TPRG1: variants seen among roughly 807,000 people sequenced by gnomAD.
The protein encoded by TPRG1 is tumor protein p63-regulated gene 1 protein.
A neutral mutation model predicts 29.3 loss-of-function variants in TPRG1; 29 were observed. The observed-to-expected ratio is 0.99, with a 90% CI of 0.74 to 1.35. TPRG1 has a LOEUF of 1.35. Among genes scored for constraint, TPRG1 ranks in the 40% most tolerant of loss-of-function variants. TPRG1 has a pLI of 0.00. For synonymous variants in TPRG1, 130 were observed against 116.8 expected, an observed-to-expected ratio of 1.11 and a Z score of -0.73; for missense variants, 327 against 335.0, an observed-to-expected ratio of 0.98 and a Z score of 0.19.
intron 2 of TPRG1, chr3:189,212,303 G>C (rs1380989107): frequency 6.6e-6 from 1 of 152,054 alleles, no homozygotes; most frequent in Non-Finnish European, 1.5e-5. Context: ...ATTTTAATAA[G>C]CAGGTTCAGG....
intron 4 of TPRG1, among the ~76,000 whole-genome samples, chr3:189,286,390 C>A (rs1367120702): frequency 1.3e-5 from 2 of 152,114 alleles, no homozygotes; most frequent in Admixed American, 6.6e-5. Context: ...TGTATGAGAA[C>A]TGAGATTTGG....
intron 1 of TPRG1, among the ~76,000 whole-genome samples, chr3:189,190,603 T>TA (rs1375723476): frequency 3.9e-5 from 6 of 152,242 alleles, no homozygotes; most frequent in Non-Finnish European, 8.8e-5. Flanking sequence ...ATAAGAATGC[T>TA]AATAGCTCTT....
chr3:189,315,769 A>T, intron 5 of TPRG1: 1 of 210,830 alleles, frequency 4.7e-6, no homozygotes, highest in East Asian at 1.4e-4. Context: ...TTACATGATG[A>T]GCAATATTCT....
At chr3:189,234,995 T>C (rs1210105598) in intron 3 of TPRG1, among the ~76,000 whole-genome samples, 1 of 152,034 alleles carries the variant, frequency 6.6e-6, no homozygotes, top group East Asian at 1.9e-4. Flanking sequence ...GAACAGCATG[T>C]ACAAAGGCCT....
chr3:189,202,887 T>C (rs1028092003), intron 1 of TPRG1, among the ~76,000 whole-genome samples: 8 of 152,182 alleles, frequency 5.3e-5, no homozygotes, highest in African/African-American at 1.9e-4. Flanking sequence ...TGCCTCCAGT[T>C]TGCCAGTGCA....
At chr3:189,098,546 A>T (rs893994606), upstream of TPRG1, among the ~76,000 whole-genome samples, 30 of 152,160 alleles carry the variant, frequency 2.0e-4, no homozygotes, top group African/African-American at 7.0e-4. Context: ...AAGCCCCTGC[A>T]CTCCCAAAAT....
intron 4 of TPRG1, among the ~76,000 whole-genome samples, chr3:189,025,578 G>C (rs1713614174): frequency 6.6e-6 from 1 of 152,086 alleles, no homozygotes; most frequent in African/African-American, 2.4e-5. Context: ...TCTTCTCAAG[G>C]GTGCTGATAA....
At chr3:189,075,375 T>C (rs747551338) in intron 4 of TPRG1, among the ~76,000 whole-genome samples, 1 of 152,156 alleles carries the variant, frequency 6.6e-6, no homozygotes, top group South Asian at 2.1e-4. Flanking sequence ...CCTCAGGTGA[T>C]CCACCCACCT....
intron 3 of TPRG1, among the ~76,000 whole-genome samples, chr3:189,006,161 G>A (rs1560389250): frequency 6.6e-6 from 1 of 152,040 alleles, no homozygotes; most frequent in Non-Finnish European, 1.5e-5. Flanking sequence ...TCCGCATGCA[G>A]CTTCCCGATC....
chr3:189,221,159 C>G (rs763098970), intron 3 of TPRG1, among the ~76,000 whole-genome samples: 2 of 152,038 alleles, frequency 1.3e-5, no homozygotes, highest in African/African-American at 2.4e-5. Flanking sequence ...TGAAGCATCC[C>G]CATTTATTTT....
intron 4 of TPRG1, among the ~76,000 whole-genome samples, chr3:189,091,128 TTGCC>T (rs1273792437): frequency 2.6e-5 from 4 of 152,138 alleles, no homozygotes; most frequent in African/African-American, 9.7e-5. Flanking sequence ...ATTTAAAACT[TTGCC>T]TGAGAAAGAG....
At chr3:189,173,084 T>C (rs1729019764) in intron 1 of TPRG1, among the ~76,000 whole-genome samples, 1 of 152,234 alleles carries the variant, frequency 6.6e-6, no homozygotes, top group African/African-American at 2.4e-5. Context: ...TCTTCAGTTA[T>C]TATGTAGTTT....
chr3:189,178,471 A>G (rs1729788262), intron 1 of TPRG1, among the ~76,000 whole-genome samples: 1 of 152,174 alleles, frequency 6.6e-6, no homozygotes, highest in Admixed American at 6.5e-5. Flanking sequence ...AGAAGCTGAG[A>G]TCACGCCACT....
At chr3:189,227,619 G>T (rs1023561870) in intron 3 of TPRG1, among the ~76,000 whole-genome samples, 1 of 152,076 alleles carries the variant, frequency 6.6e-6, no homozygotes, top group Non-Finnish European at 1.5e-5. Flanking sequence ...CACTTCTTAC[G>T]CTGTAACTTA....
intron 1 of TPRG1, among the ~76,000 whole-genome samples, chr3:189,204,601 G>C (rs1392295055): frequency 6.6e-6 from 1 of 152,194 alleles, no homozygotes; most frequent in Non-Finnish European, 1.5e-5. Flanking sequence ...AGAGCGCAGA[G>C]CTTCCCCAAG....
intron 3 of TPRG1, among the ~76,000 whole-genome samples, chr3:189,233,166 A>ATGTGTG (rs59388844): frequency 4.7e-5 from 7 of 148,878 alleles, no homozygotes; most frequent in Admixed American, 6.7e-5. Context: ...CTGAGTGTGT[A>ATGTGTG]TGTGTGTGTG....
chr3:189,293,006 T>C (rs1719274639), intron 4 of TPRG1, among the ~76,000 whole-genome samples: 1 of 152,150 alleles, frequency 6.6e-6, no homozygotes, highest in Non-Finnish European at 1.5e-5. Flanking sequence ...GGCCCTTGTT[T>C]GGATCACTCT....
chr3:189,242,639 A>G (rs1218874233), intron 4 of TPRG1, among the ~76,000 whole-genome samples: 1 of 152,118 alleles, frequency 6.6e-6, no homozygotes. Context: ...TCATAAAACA[A>G]GTTGGAAAAT....
chr3:189,159,315 G>A (rs1402589732), intron 5 of TPRG1, among the ~76,000 whole-genome samples: 2 of 152,170 alleles, frequency 1.3e-5, no homozygotes, highest in Non-Finnish European at 2.9e-5. Flanking sequence ...TCACAAGGAA[G>A]GGGTCTCAGG....
Sources: allele counts gnomAD v4.1 joint callset (sites outside exome capture counted in the v4.1 genomes callset), GRCh38; gene constraint gnomAD v4.1.1; transcripts MANE v1.5; gene names NCBI Gene and HGNC (gene_info 2026-07-23, HGNC 2026-07-21).